ARHGAP45: variants seen among roughly 807,000 people sequenced by gnomAD.
The protein encoded by ARHGAP45 is Rho GTPase activating protein 45, also known as rho GTPase-activating protein 45.
ARHGAP45 carries 56 observed loss-of-function variants against 116.1 expected under a neutral mutation model. The ratio of observed to expected loss-of-function variants is 0.48; its 90% confidence interval spans 0.39 to 0.60. The LOEUF is 0.60. Ranked by LOEUF, ARHGAP45 falls within the 20% of genes least tolerant of loss-of-function variation. ARHGAP45 has a pLI of 0.00. For missense variants in ARHGAP45, 1,622 were observed against 1,601.0 expected, an observed-to-expected ratio of 1.01 and a Z score of -0.22; for synonymous variants, 866 against 701.7, an observed-to-expected ratio of 1.23 and a Z score of -3.70.
chr19:1,074,463 C>A, intron 8 of ARHGAP45, 56 bp downstream of exon 8: 1 of 1,449,512 alleles, frequency 6.9e-7, no homozygotes, highest in Non-Finnish European at 9.2e-7. Flanking sequence ...TGAGTCTCAG[C>A]CCCATTTCAA....
rs1228808077 is a variant in ARHGAP45, at chr19:1,081,637, G to T, written c.2278G>T (p.Gly760Cys). The change falls in exon 18 of 23, where the codon GGC (glycine) becomes TGC (cysteine). Residue 760 changes from glycine to cysteine, a missense_variant. Physicochemically the swap from Gly to Cys is radical, Grantham distance 159. Transcript: ENST00000313093. ...KKLQGRLQLF[G>C]QDFSHAARSA... Reference sequence around the variant, plus strand: ...GCTGCAAGGCCGCCTGCAGCTGTTCGGCCAGGACTTCAGCCACGCGGCCCG... The same window carrying T: ...GCTGCAAGGCCGCCTGCAGCTGTTCTGCCAGGACTTCAGCCACGCGGCCCG... The T allele has an allele frequency of 6.3e-7, 1 of 1,575,810 alleles. No homozygotes were observed. The highest frequency in any genetic ancestry group is 8.6e-7 in the Non-Finnish European group (1 of 1,161,116).
intron 5 of ARHGAP45, 68 bp downstream of exon 5, chr19:1,073,814 G>A: frequency 4.6e-6 from 7 of 1,538,158 alleles, no homozygotes; most frequent in Non-Finnish European, 6.2e-6. Flanking sequence ...GGTCTGCAGG[G>A]CCCAGACAGT....
chr19:1,078,676 T>G (rs2043338559), intron 11 of ARHGAP45, among the ~76,000 whole-genome samples: 1 of 151,252 alleles, frequency 6.6e-6, no homozygotes, highest in Non-Finnish European at 1.5e-5. Context: ...CCCAAAGTGC[T>G]GGGATTACAG....
intron 2 of ARHGAP45, among the ~76,000 whole-genome samples, chr19:1,070,012 G>A (rs1239922462): frequency 6.6e-6 from 1 of 151,538 alleles, no homozygotes; most frequent in East Asian, 1.9e-4. Flanking sequence ...ATTTGAGATG[G>A]TGAGATGGAG....
intron 13 of ARHGAP45, 40 bp from the exon 14 acceptor site, chr19:1,080,215 C>A: frequency 1.2e-6 from 2 of 1,611,012 alleles, no homozygotes; most frequent in Non-Finnish European, 1.7e-6. Flanking sequence ...CTGTCTTGCC[C>A]CCCATCACCT....
chr19:1,083,430 C>A (rs1001783526), intron 21 of ARHGAP45, 77 bp downstream of exon 21: 1 of 1,289,360 alleles, frequency 7.8e-7, no homozygotes, highest in South Asian at 1.3e-5. Flanking sequence ...CAGTCGTTGT[C>A]GGATGAAGCC....
rs1352707469 is a variant in ARHGAP45, at chr19:1,086,121, A to C, written c.*115A>C. Reference sequence around the variant, plus strand: ...GCGCCGTCCTGGGGTCGCTGCCGAGAGCGCCTGGACTTCGACGTCCCACCA... The same window carrying C: ...GCGCCGTCCTGGGGTCGCTGCCGAGCGCGCCTGGACTTCGACGTCCCACCA... On this transcript the variant is annotated 3_prime_UTR_variant, in exon 23 of 23. Transcript: ENST00000313093. The C allele has an allele frequency of 1.3e-5, 13 of 986,898 alleles. No individual in the cohort carries two copies. The highest frequency in any genetic ancestry group is 2.6e-5 in the Admixed American group (1 of 38,500). 61.1% of individuals were successfully genotyped at this position (986,898 alleles called of 1,614,324 possible). A position where few individuals can be genotyped will look rare whatever the true frequency, so the allele number is the denominator to read the frequency against.
intron 19 of ARHGAP45, 30 bp downstream of exon 19, chr19:1,081,991 G>A: frequency 2.5e-6 from 4 of 1,601,584 alleles, no homozygotes; most frequent in Non-Finnish European, 3.4e-6. Flanking sequence ...GCCAGGCAGA[G>A]CCTGGAAGGG....
chr19:1,075,037 A>T (rs774466551), intron 10 of ARHGAP45, among the ~76,000 whole-genome samples, 158 bp downstream of exon 10: 5 of 51,706 alleles, frequency 9.7e-5, no homozygotes, highest in Admixed American at 2.3e-4. Flanking sequence ...GCCCCCCCCA[A>T]CGCCAAGCCG....
chr19:1,073,398 C>A lies in ARHGAP45; in HGVS notation c.565+106C>A, dbSNP rs2050188730. ...GAAGGATGCATAGGAGTTTGACAGG[C>A]ACAAGCTCCCTCCTGTTCCCCCTGG... On this transcript the variant is annotated intron_variant, in intron 3 of 22. Transcript: ENST00000313093. 3.2e-6 allele frequency: 5 copies of A among 1,559,870 alleles called. No individual in the cohort carries two copies. The South Asian group carries it at 4.5e-5, about 14-fold the overall frequency.
At chr19:1,066,399 CGTCCG>C, upstream of ARHGAP45, 1 of 556,350 alleles carries the variant, frequency 1.8e-6, no homozygotes, top group Non-Finnish European at 3.2e-6. Context: ...CTGCCCAGCA[CGTCCG>C]GTGGTCCAGA....
chr19:1,085,538 C>CCTGTCTCTCCCCATCT (rs1048274811), intron 22 of ARHGAP45, 122 bp from the exon 23 acceptor site: 34 of 684,798 alleles, frequency 5.0e-5, no homozygotes, highest in Non-Finnish European at 7.3e-5. Context: ...CCCCATCTCT[C>CCTGTCTCTCCCCATCT]CTGTCTCTCC....
chr19:1,084,451 C>T, intron 22 of ARHGAP45, 105 bp downstream of exon 22: 1 of 827,816 alleles, frequency 1.2e-6, no homozygotes, highest in Non-Finnish European at 1.9e-6. Flanking sequence ...GTCCACGGTG[C>T]TGCACATTCT....
Position 1,068,730 on chromosome 19 carries a change from G to A in ARHGAP45, c.407G>A (p.Cys136Tyr), listed in dbSNP as rs2043085983. 1 of 1,612,014 alleles carries A rather than the reference G, an allele frequency of 6.2e-7. No individual in the cohort carries two copies. Among genetic ancestry groups the A allele is most frequent in the African/African-American group, 1.3e-5 (1 of 74,914 alleles). The part of the protein sequence containing the change: ...FAEGLEKLKE[C>Y]VLRDDLLEAR... ...GAGGGCCTTGAGAAACTTAAGGAGT[G>A]TGTGTTGCGTGACGGTGAGAGCCAC... is the stretch of plus-strand genomic sequence containing the variant. Residue 136 changes from cysteine to tyrosine, a missense_variant, in exon 2 of 23, where the codon TGT becomes TAT. Around this residue, in one of 3 missense-constraint regions of ARHGAP45, gnomAD observed 279 missense variants for 311.9 expected, o/e 0.89. Coordinates refer to ENST00000313093, the MANE Select transcript of ARHGAP45 (RefSeq NM_012292.5). This position sits in a 1 kb window ranked among gnomAD's most constrained non-coding sequence, Gnocchi z 7.5.
At chr19:1,084,183 A>G (rs1261079369) in intron 21 of ARHGAP45, 55 bp from the exon 22 acceptor site, 36 of 1,518,736 alleles carry the variant, frequency 2.4e-5, no homozygotes, top group Non-Finnish European at 3.2e-5. Context: ...TTGTTAATTT[A>G]TAACATGGAA....
Position 1,068,169 on chromosome 19 carries a change from C to T in ARHGAP45, c.91-245C>T, listed in dbSNP as rs1017705557. On this transcript the variant is annotated intron_variant, in intron 1 of 22. Transcript: ENST00000313093. The surrounding 1 kb of genome is among the most constrained non-coding windows in gnomAD (Gnocchi z 7.5). Reference sequence around the variant, plus strand: ...TGGGGACCCCCCTCCCGCGCCTCCCCGCAGGCCCCGCCCCGGCTGTGGTTT... The same window carrying T: ...TGGGGACCCCCCTCCCGCGCCTCCCTGCAGGCCCCGCCCCGGCTGTGGTTT... Among the ~76,000 whole-genome samples, 2 of 152,156 alleles carry T rather than the reference C, an allele frequency of 1.3e-5. No individual in the cohort carries two copies. The highest frequency in any genetic ancestry group is 2.1e-4 in the South Asian group (1 of 4,828).
At position 1,081,672 on chromosome 19, in the gene ARHGAP45, C is replaced by T. The variant is rs760630936; in HGVS notation, c.2313C>T (p.Pro771=). Residue 771 remains proline (P), a synonymous_variant, in exon 18 of 23, where the codon CCC becomes CCT. Transcript: ENST00000313093. ...TCAGCCACGCGGCCCGCAGCGCCCC[C>T]GACGGCGTGCCCTTCATCGTCAAGA... is the stretch of plus-strand genomic sequence containing the variant. ...QDFSHAARSA[P]DGVPFIVKKC... is the part of the protein sequence containing the mutation. 1.9e-6 allele frequency: 3 copies of T among 1,585,120 alleles called. No individual in the cohort carries two copies. Among genetic ancestry groups the T allele is most frequent in the South Asian group, 2.3e-5 (2 of 87,680 alleles).
chr19:1,074,440 C>G, intron 8 of ARHGAP45, 33 bp downstream of exon 8: 1 of 1,482,846 alleles, frequency 6.7e-7, no homozygotes, highest in Non-Finnish European at 9.0e-7. Context: ...GCGGGGGTCC[C>G]TGGGCCCGGG....
intron 8 of ARHGAP45, 50 bp from the exon 9 acceptor site, chr19:1,074,564 C>A (rs369822039): frequency 6.8e-7 from 1 of 1,470,722 alleles, no homozygotes. Flanking sequence ...GTGCTGGGGC[C>A]GCCCTGCCTC....
Sources: allele counts gnomAD v4.1 joint callset (sites outside exome capture counted in the v4.1 genomes callset), GRCh38; gene constraint gnomAD v4.1.1; regional missense constraint gnomAD v4.1.1; non-coding constraint Gnocchi (gnomAD v3.1); transcripts MANE v1.5; gene names NCBI Gene and HGNC (gene_info 2026-07-23, HGNC 2026-07-21).